The following CTIF variants were observed in gnomAD, a reference collection of about 807,000 sequenced individuals.
The protein encoded by CTIF is CBP80/20-dependent translation initiation factor.
CTIF carries 21 observed loss-of-function variants against 66.0 expected under a neutral mutation model. The ratio of observed to expected loss-of-function variants is 0.32; its 90% confidence interval spans 0.23 to 0.46. The LOEUF is 0.46. CTIF is among the 20% of genes least tolerant of loss of function. The pLI is 1.00. For synonymous variants in CTIF, 345 were observed against 326.4 expected (o/e 1.06, Z -0.62); for missense variants, 739 against 812.7 (o/e 0.91, Z 1.10).
At chr18:48,668,094 C>T (rs2091465014) in intron 5 of CTIF, among the ~76,000 whole-genome samples, 1 of 152,252 alleles carries the variant, frequency 6.6e-6, no homozygotes, top group Non-Finnish European at 1.5e-5. Context: ...ACCTGCAGGC[C>T]TCTGGGGAGA....
chr18:48,669,797 A>G (rs1325761747), intron 5 of CTIF, among the ~76,000 whole-genome samples: 4 of 48,912 alleles, frequency 8.2e-5, no homozygotes, highest in African/African-American at 4.0e-4. Context: ...AAACATTTAT[A>G]TATATATATA....
At chr18:48,628,040 T>C (rs2090634440) in intron 2 of CTIF, among the ~76,000 whole-genome samples, 1 of 152,136 alleles carries the variant, frequency 6.6e-6, no homozygotes, top group Admixed American at 6.5e-5. Flanking sequence ...GGCCGTGTGG[T>C]CACTGGAGGT....
intron 7 of CTIF, among the ~76,000 whole-genome samples, chr18:48,751,001 C>A (rs1351256541): frequency 6.6e-6 from 1 of 152,214 alleles, no homozygotes; most frequent in African/African-American, 2.4e-5. Context: ...AGTTTCTTAC[C>A]CTTTCTGTGC....
chr18:48,832,241 G>A (rs942220084), intron 10 of CTIF, among the ~76,000 whole-genome samples: 2 of 149,494 alleles, frequency 1.3e-5, no homozygotes, highest in African/African-American at 5.0e-5. Context: ...GCACAATCAG[G>A]ACTCACTGCA....
intron 1 of CTIF, among the ~76,000 whole-genome samples, chr18:48,598,107 G>A (rs771041734): frequency 3.9e-5 from 6 of 152,198 alleles, no homozygotes; most frequent in Non-Finnish European, 5.9e-5. Context: ...CTCTGAAACA[G>A]TGGGTAGATG....
chr18:48,771,681 G>T (rs117750780), intron 9 of CTIF, among the ~76,000 whole-genome samples: 2 of 152,138 alleles, frequency 1.3e-5, no homozygotes, highest in African/African-American at 2.4e-5. Context: ...AGGCCAGCTC[G>T]GGTGTCCCAG....
intron 10 of CTIF, among the ~76,000 whole-genome samples, chr18:48,856,140 C>T (rs1435237470): frequency 6.6e-6 from 1 of 152,112 alleles, no homozygotes; most frequent in African/African-American, 2.4e-5. Context: ...AGGAGTGGTC[C>T]GTGGGGCTTG....
intron 3 of CTIF, among the ~76,000 whole-genome samples, chr18:48,643,447 G>C (rs1179876606): frequency 4.6e-5 from 7 of 152,214 alleles, no homozygotes; most frequent in Non-Finnish European, 8.8e-5. Context: ...TCCCTGGCCT[G>C]TCTGTGCAGC....
chr18:48,702,773 A>T (rs975804436), intron 6 of CTIF, among the ~76,000 whole-genome samples: 1 of 152,218 alleles, frequency 6.6e-6, no homozygotes, highest in Non-Finnish European at 1.5e-5. Context: ...TTCCTTTCTG[A>T]ATCAGGTCAA....
chr18:48,741,420 C>CTTTT lies in CTIF; in HGVS notation c.585-16482_585-16479dup, dbSNP rs11425141. On this transcript the variant is annotated intron_variant, in intron 7 of 11. Coordinates refer to ENST00000256413, the MANE Select transcript of CTIF (RefSeq NM_014772.3). ...CACTCCATCAGCCAAGTGACCAGGG[C>CTTTT]TTTTTTTTTTTTTTTTTTTTGAGGC... is the stretch of plus-strand genomic sequence containing the variant. Among the ~76,000 whole-genome samples, 68 of 104,816 alleles carry CTTTT rather than the reference C, an allele frequency of 6.5e-4. 1 individual carries two copies. Among genetic ancestry groups the CTTTT allele is most frequent in the East Asian group, 1.2e-3 (4 of 3,218 alleles). The allele number at this position is 104,816 out of a possible 152,430, so 68.8% of individuals were successfully genotyped here.
chr18:48,813,339 T>A (rs754630954), intron 9 of CTIF, among the ~76,000 whole-genome samples: 126 of 152,364 alleles, frequency 8.3e-4, no homozygotes, highest in Admixed American at 1.4e-3. Context: ...GAGTTTTTCA[T>A]TTTATTTATA....
At chr18:48,668,421 C>T (rs1049592340) in intron 5 of CTIF, among the ~76,000 whole-genome samples, 1 of 152,228 alleles carries the variant, frequency 6.6e-6, no homozygotes, top group South Asian at 2.1e-4. Flanking sequence ...AGCCTGTCTG[C>T]ACCAGGCAGA....
At chr18:48,805,099 G>A (rs1339099974) in intron 9 of CTIF, among the ~76,000 whole-genome samples, 4 of 152,212 alleles carry the variant, frequency 2.6e-5, no homozygotes, top group African/African-American at 9.7e-5. Flanking sequence ...AACATTCAGG[G>A]TCGTCTCTCA....
chr18:48,543,385 C>G (rs534348164), intron 1 of CTIF, among the ~76,000 whole-genome samples: 61 of 152,326 alleles, frequency 4.0e-4, no homozygotes, highest in African/African-American at 1.4e-3. Context: ...GCGTCTACCT[C>G]TGGGCCTCAC....
At chr18:48,793,529 T>G (rs1483426756) in intron 9 of CTIF, among the ~76,000 whole-genome samples, 1 of 152,196 alleles carries the variant, frequency 6.6e-6, no homozygotes, top group Non-Finnish European at 1.5e-5. Context: ...GTGCTCTGTA[T>G]TTCTGACAAA....
At chr18:48,564,181 G>A (rs2089228381) in intron 1 of CTIF, among the ~76,000 whole-genome samples, 1 of 152,194 alleles carries the variant, frequency 6.6e-6, no homozygotes, top group African/African-American at 2.4e-5. Context: ...AAGGACTTAG[G>A]CATCGGGTGT....
Position 48,623,178 on chromosome 18 carries a change from T to C in CTIF, c.180+3433T>C, listed in dbSNP as rs181159650. ...CTGTGGAGGGGCTTTCAGACTGACG[T>C]CTGCTGTGAAGTGTGGTGTGGAGAA... On this transcript the variant is annotated intron_variant, in intron 2 of 11. Coordinates refer to ENST00000256413, the MANE Select transcript of CTIF (RefSeq NM_014772.3). Among the ~76,000 whole-genome samples, 42 of 152,334 alleles carry C rather than the reference T, an allele frequency of 2.8e-4. No individual in the cohort carries two copies. In the East Asian group the frequency reaches 6.8e-3, roughly 25 times the overall value.
At chr18:48,562,056 A>G (rs1408930321) in intron 1 of CTIF, among the ~76,000 whole-genome samples, 1 of 152,264 alleles carries the variant, frequency 6.6e-6, no homozygotes, top group Non-Finnish European at 1.5e-5. Flanking sequence ...TACAGAAAAC[A>G]CTTGCTCACC....
intron 10 of CTIF, among the ~76,000 whole-genome samples, chr18:48,833,062 G>C (rs956976975): frequency 9.8e-5 from 15 of 152,324 alleles, no homozygotes; most frequent in African/African-American, 3.4e-4. Flanking sequence ...AGAGGATGTG[G>C]TTTGGGCAAG....
Sources: gnomAD v4.1 joint callset for allele counts (sites outside exome capture counted in the v4.1 genomes callset) on GRCh38, gnomAD v4.1.1 for gene constraint, MANE v1.5 for transcripts, NCBI Gene and HGNC (gene_info 2026-07-23, HGNC 2026-07-21) for gene names.